The following C12orf75 variants were observed in gnomAD, a reference collection of about 807,000 sequenced individuals.
C12orf75 encodes the protein overexpressed in colon carcinoma 1 protein.
A neutral mutation model predicts 11.4 loss-of-function variants in C12orf75; 4 were observed. That is an observed-to-expected ratio of 0.35 (90% confidence interval 0.17 to 0.80). The LOEUF is 0.80. C12orf75 is among the 30% of genes least tolerant of loss of function. The pLI is 0.52. For missense variants in C12orf75, 89 were observed against 80.4 expected (o/e 1.11, Z -0.41); for synonymous variants, 30 against 30.0 (o/e 1.00, Z 0.00).
intron 1 of C12orf75, 28 bp downstream of exon 1, chr12:105,330,965 C>T (rs1344821201): frequency 4.8e-6 from 4 of 833,980 alleles, no homozygotes; most frequent in Non-Finnish European, 6.4e-6. Flanking sequence ...CGGGGGCCGG[C>T]GGGGGCGGGC....
chr12:105,342,647 C>T (rs540428564), intron 1 of C12orf75, among the ~76,000 whole-genome samples: 2 of 152,276 alleles, frequency 1.3e-5, no homozygotes, highest in East Asian at 3.9e-4. Context: ...ATGTTCCAAG[C>T]TTCTAATCAA....
intron 2 of C12orf75, among the ~76,000 whole-genome samples, chr12:105,363,579 G>T (rs1461149533): frequency 6.6e-6 from 1 of 152,096 alleles, no homozygotes; most frequent in African/African-American, 2.4e-5. Context: ...ACAAAAATTA[G>T]CTGAGCATGG....
intron 2 of C12orf75, among the ~76,000 whole-genome samples, chr12:105,354,831 A>G (rs888138007): frequency 1.8e-4 from 28 of 152,188 alleles, no homozygotes; most frequent in African/African-American, 5.3e-4. Context: ...CTGCAGAAAT[A>G]CTTGACTGCA....
intron 1 of C12orf75, among the ~76,000 whole-genome samples, chr12:105,344,207 G>A (rs1236859017): frequency 6.6e-5 from 10 of 152,172 alleles, no homozygotes; most frequent in African/African-American, 2.4e-4. Flanking sequence ...ACACGTTACT[G>A]TGCTTTGCCT....
chr12:105,352,249 G>T (rs1396300277), intron 2 of C12orf75, among the ~76,000 whole-genome samples: 1 of 152,136 alleles, frequency 6.6e-6, no homozygotes, highest in Non-Finnish European at 1.5e-5. Flanking sequence ...TCACCCTGGG[G>T]ACTGTAGTTT....
rs1381563619 is a variant in C12orf75 at position 105,330,796 on chromosome 12, C to T, written c.-96C>T. 3 of 1,180,718 alleles carry T rather than the reference C, an allele frequency of 2.5e-6. No individual in the cohort carries two copies. The highest frequency in any genetic ancestry group is 3.2e-6 in the Non-Finnish European group (3 of 948,436). The allele number at this position is 1,180,718 out of a possible 1,614,324, so 73.1% of individuals were successfully genotyped here. A position where few individuals can be genotyped will look rare whatever the true frequency, so the allele number is the denominator to read the frequency against. On this transcript the variant is annotated 5_prime_UTR_variant, in exon 1 of 6. Transcript: ENST00000443585. Reference sequence around the variant, plus strand: ...TCCTGGCCCCTCGCGGCCCCGTCAGCCTCCCGCTCGGGGTGCGCCGCCCTT... The same window carrying T: ...TCCTGGCCCCTCGCGGCCCCGTCAGTCTCCCGCTCGGGGTGCGCCGCCCTT...
chr12:105,360,171 A>G (rs1358692635), intron 2 of C12orf75, among the ~76,000 whole-genome samples: 2 of 152,150 alleles, frequency 1.3e-5, no homozygotes, highest in South Asian at 2.1e-4. Context: ...ACTGGCTGCT[A>G]TTCTCACAAG....
intron 1 of C12orf75, among the ~76,000 whole-genome samples, chr12:105,338,602 C>A (rs1260089615): frequency 6.6e-6 from 1 of 152,130 alleles, no homozygotes; most frequent in Non-Finnish European, 1.5e-5. Flanking sequence ...GGTTCTGCAG[C>A]CTGTACAAGA....
At chr12:105,338,761 G>C (rs188773363) in intron 1 of C12orf75, among the ~76,000 whole-genome samples, 165 of 152,166 alleles carry the variant, frequency 1.1e-3, no homozygotes, top group African/African-American at 3.8e-3. Flanking sequence ...TCTTGCTAAT[G>C]ACCAGCCAGC....
intron 1 of C12orf75, among the ~76,000 whole-genome samples, chr12:105,339,614 C>T (rs1892541599): frequency 6.6e-6 from 1 of 151,616 alleles, no homozygotes; most frequent in African/African-American, 2.4e-5. Flanking sequence ...CCTTTTCTTT[C>T]TTTCTTTCTT....
intron 2 of C12orf75, among the ~76,000 whole-genome samples, chr12:105,356,669 G>C (rs975859776): frequency 6.6e-6 from 1 of 152,066 alleles, no homozygotes; most frequent in African/African-American, 2.4e-5. Flanking sequence ...TCTCATATTT[G>C]TCATCTGTAT....
chr12:105,347,376 C>T (rs1473981177), intron 1 of C12orf75, among the ~76,000 whole-genome samples: 7 of 152,238 alleles, frequency 4.6e-5, no homozygotes, highest in Non-Finnish European at 1.0e-4. Flanking sequence ...GGAAGCCAGT[C>T]CGAGTCCCAG....
chr12:105,354,488 GC>G (rs1316533459), intron 2 of C12orf75, among the ~76,000 whole-genome samples: 1 of 152,216 alleles, frequency 6.6e-6, no homozygotes, highest in Non-Finnish European at 1.5e-5. Flanking sequence ...AGCTGAAGTA[GC>G]TGCTGGAGGG....
chr12:105,364,574 C>T (rs567506060), intron 2 of C12orf75, among the ~76,000 whole-genome samples: 5 of 152,322 alleles, frequency 3.3e-5, no homozygotes, highest in African/African-American at 1.2e-4. Context: ...TTGAAATATT[C>T]ACAGCTTTTA....
chr12:105,351,102 G>C (rs1892708071), intron 2 of C12orf75, among the ~76,000 whole-genome samples: 1 of 152,094 alleles, frequency 6.6e-6, no homozygotes, highest in South Asian at 2.1e-4. Context: ...GTATATTCAG[G>C]CACGTTCAAT....
At chr12:105,335,930 C>T (rs1319487392) in intron 1 of C12orf75, among the ~76,000 whole-genome samples, 1 of 152,230 alleles carries the variant, frequency 6.6e-6, no homozygotes, top group Non-Finnish European at 1.5e-5. Flanking sequence ...TTGGTGTGGG[C>T]ACACTGTACT....
chr12:105,335,905 A>G (rs1892494885), intron 1 of C12orf75, among the ~76,000 whole-genome samples: 1 of 152,268 alleles, frequency 6.6e-6, no homozygotes, highest in Non-Finnish European at 1.5e-5. Context: ...AAAAGATTCA[A>G]AATGAAGTCC....
At chr12:105,361,648 C>G (rs989655430) in intron 2 of C12orf75, among the ~76,000 whole-genome samples, 1 of 152,086 alleles carries the variant, frequency 6.6e-6, no homozygotes, top group Admixed American at 6.5e-5. Flanking sequence ...CTTCCTTTTA[C>G]CAGGGGTCTT....
chr12:105,355,506 T>G (rs1053959877), intron 2 of C12orf75, among the ~76,000 whole-genome samples: 3 of 152,166 alleles, frequency 2.0e-5, no homozygotes, highest in African/African-American at 7.2e-5. Context: ...ATAATGGTGC[T>G]TAGAAAGAAA....
Sources: gnomAD v4.1 joint callset for allele counts (sites outside exome capture counted in the v4.1 genomes callset) on GRCh38, gnomAD v4.1.1 for gene constraint, MANE v1.5 for transcripts, NCBI Gene and HGNC (gene_info 2026-07-23, HGNC 2026-07-21) for gene names.